Variants in KLKB1 observed in about 807,000 individuals in gnomAD.
KLKB1 encodes the protein kallikrein B1.
KLKB1 carries 58 observed loss-of-function variants against 73.6 expected under a neutral mutation model. That is an observed-to-expected ratio of 0.79 (90% confidence interval 0.64 to 0.98). The LOEUF (loss-of-function observed/expected upper bound fraction) is 0.98, where lower values mean the gene tolerates loss of function less well. Among genes scored for constraint, KLKB1 ranks in the 50% least tolerant of loss-of-function variants. The probability of loss-of-function intolerance (pLI) is 0.00; values close to 1 mark genes in which losing one functional copy is unlikely to be tolerated. For synonymous variants in KLKB1, 280 were observed against 258.1 expected (o/e 1.08, Z -0.81); for missense variants, 737 against 763.8 (o/e 0.96, Z 0.41).
At chr4:186,244,090 G>A (rs557941707) in intron 6 of KLKB1, among the ~76,000 whole-genome samples, 79 of 152,252 alleles carry the variant, frequency 5.2e-4, no homozygotes, top group East Asian at 7.7e-4. Flanking sequence ...TTTTGACTGC[G>A]CAGCCCTGCA....
At chr4:186,255,941 T>G in intron 12 of KLKB1, 51 bp from the exon 13 acceptor site, 1 of 1,066,144 alleles carries the variant, frequency 9.4e-7, no homozygotes, top group Non-Finnish European at 1.5e-6. Flanking sequence ...TTTTAAAGTC[T>G]ATATCCATAA....
intron 6 of KLKB1, among the ~76,000 whole-genome samples, chr4:186,244,169 G>A (rs1286267241): frequency 6.6e-6 from 1 of 152,120 alleles, no homozygotes; most frequent in East Asian, 1.9e-4. Flanking sequence ...AGTTTCTAGG[G>A]CTGTTTTTAA....
chr4:186,218,920 T>C (rs1222002710), intron 2 of KLKB1, among the ~76,000 whole-genome samples: 1 of 152,062 alleles, frequency 6.6e-6, no homozygotes, highest in South Asian at 2.1e-4. Flanking sequence ...AGCAAGAAAG[T>C]CAACAGTGCA....
intron 2 of KLKB1, among the ~76,000 whole-genome samples, chr4:186,215,318 CTCTTTCTTTCTCTT>C (rs1256591012): frequency 1.1e-3 from 153 of 144,670 alleles, no homozygotes; most frequent in African/African-American, 3.8e-3. Flanking sequence ...GCCTTTCTTT[CTCTTTCTTTCTCTT>C]TCTTTCTCTT....
At chr4:186,250,957 C>T in intron 7 of KLKB1, 1 of 463,496 alleles carries the variant, frequency 2.2e-6, no homozygotes, top group Non-Finnish European at 3.8e-6. Context: ...TTTGTTTTTC[C>T]AGTTAGAAGG....
intron 6 of KLKB1, 90 bp downstream of exon 6, chr4:186,238,455 G>A (rs963245849): frequency 9.0e-6 from 8 of 892,658 alleles, no homozygotes; most frequent in Middle Eastern, 2.3e-4. Context: ...GGACCTGTGC[G>A]TGTGTTCCCA....
intron 2 of KLKB1, among the ~76,000 whole-genome samples, chr4:186,218,198 A>C (rs966617635): frequency 2.6e-5 from 4 of 152,200 alleles, no homozygotes; most frequent in African/African-American, 9.6e-5. Flanking sequence ...ATAGGACCTA[A>C]ACATCAAGCC....
chr4:186,229,396 G>C (rs747306239), intron 2 of KLKB1, among the ~76,000 whole-genome samples: 3 of 152,106 alleles, frequency 2.0e-5, no homozygotes, highest in Non-Finnish European at 4.4e-5. Context: ...TCACAAAAAA[G>C]AGTTATTAAC....
At chr4:186,224,121 C>G (rs1230274023), upstream of KLKB1, among the ~76,000 whole-genome samples, 1 of 152,224 alleles carries the variant, frequency 6.6e-6, no homozygotes, top group Non-Finnish European at 1.5e-5. Context: ...AAGAGCTGAG[C>G]TTTGAGAGCC....
chr4:186,229,119 A>G (rs1737277581), intron 2 of KLKB1: 1 of 152,108 alleles, frequency 6.6e-6, no homozygotes, highest in African/African-American at 2.4e-5. Flanking sequence ...TTACAAACCC[A>G]TGTGCAAACC....
intron 12 of KLKB1, 57 bp downstream of exon 12, chr4:186,254,820 A>T: frequency 1.4e-6 from 2 of 1,470,702 alleles, no homozygotes; most frequent in Non-Finnish European, 1.9e-6. Flanking sequence ...ATATTTTCAT[A>T]TCAGTTTGAA....
At position 186,250,268 on chromosome 4, in the gene KLKB1, T is replaced by C. The variant is rs760026499; in HGVS notation, c.624T>C (p.His208=). The change falls in exon 7 of 15, where the codon CAT becomes CAC. Residue 208 remains histidine, a synonymous_variant. Coordinates refer to ENST00000264690, the MANE Select transcript of KLKB1 (RefSeq NM_000892.5). ...GTTGCCACATGAACATCTTCCAGCA[T>C]CTTGCGTTCTCAGATGTGGATGTTG... The part of the protein sequence containing the change: ...EIGCHMNIFQ[H]LAFSDVDVAR... 3 of 1,614,198 alleles carry C rather than the reference T, an allele frequency of 1.9e-6. No homozygotes were observed. Among genetic ancestry groups the C allele is most frequent in the Non-Finnish European group, 2.5e-6 (3 of 1,180,014 alleles).
At chr4:186,236,758 C>T (rs1263349196) in intron 4 of KLKB1, 23 bp from the exon 5 acceptor site, 4 of 1,612,160 alleles carry the variant, frequency 2.5e-6, no homozygotes, top group East Asian at 2.2e-5. Context: ...ACTGTATTTG[C>T]TCTATGTATT....
chr4:186,237,026 TA>T (rs944633578), intron 5 of KLKB1, 86 bp downstream of exon 5: 2 of 1,393,358 alleles, frequency 1.4e-6, no homozygotes, highest in African/African-American at 1.4e-5. Flanking sequence ...GTTCCCAAAC[TA>T]AAAACCAAAC....
At chr4:186,255,933 T>C in intron 12 of KLKB1, 59 bp from the exon 13 acceptor site, 4 of 1,039,450 alleles carry the variant, frequency 3.8e-6, no homozygotes, top group East Asian at 2.4e-5. Context: ...AGATGTATTT[T>C]TAAAGTCTAT....
Position 186,232,292 on chromosome 4 carries a change from A to G in KLKB1, c.221+3A>G. 6.2e-7 allele frequency: 1 copy of G among 1,613,506 alleles called. No homozygotes were observed. Among genetic ancestry groups the G allele is most frequent in the South Asian group, 1.1e-5 (1 of 91,078 alleles). ...TCAATCAATGACATGGAGAAAAGGT[A>G]AAAGTTGGTATTTCATTATTGGAGA... On this transcript the variant is annotated splice_donor_region_variant and intron_variant, in intron 3 of 14. Coordinates refer to ENST00000264690, the MANE Select transcript of KLKB1 (RefSeq NM_000892.5).
rs113821383 is a variant in KLKB1 at position 186,216,084 on chromosome 4, A to C, written c.201+6812A>C. Among the ~76,000 whole-genome samples the C allele has an allele frequency of 3.4e-3, 517 of 152,318 alleles. 4 individuals carry two copies. The highest frequency in any genetic ancestry group is 0.012 in the African/African-American group (480 of 41,570). On this transcript the variant is annotated intron_variant, in intron 2 of 14. Coordinates refer to the KLKB1 transcript ENST00000511608. ...AAGGACCAATCAGAATTCATCCAAC[A>C]ATCATTTTCAGTGTCATCTAAGACT...
At chr4:186,226,265 C>A (rs1351468117), upstream of KLKB1, among the ~76,000 whole-genome samples, 3 of 151,870 alleles carry the variant, frequency 2.0e-5, no homozygotes, top group Non-Finnish European at 2.9e-5. Flanking sequence ...GTAAAGATCT[C>A]CATTTCTTTA....
At chr4:186,250,513 C>T in intron 7 of KLKB1, 111 bp downstream of exon 7, 2 of 1,256,510 alleles carry the variant, frequency 1.6e-6, no homozygotes, top group Non-Finnish European at 2.3e-6. Flanking sequence ...CGTTCATTTC[C>T]CTCAAAACAC....
Sources: allele counts gnomAD v4.1 joint callset (sites outside exome capture counted in the v4.1 genomes callset), GRCh38; gene constraint gnomAD v4.1.1; transcripts MANE v1.5; gene names NCBI Gene and HGNC (gene_info 2026-07-23, HGNC 2026-07-21).